The following KDM6A variants were observed in gnomAD, a reference collection of about 807,000 sequenced individuals.
KDM6A encodes the protein lysine demethylase 6A.
A neutral mutation model predicts 117.6 loss-of-function variants in KDM6A; 11 were observed. The observed-to-expected ratio is 0.09, with a 90% CI of 0.06 to 0.15. KDM6A has a LOEUF of 0.15. Ranked by LOEUF, KDM6A falls within the 10% of genes least tolerant of loss-of-function variation. The pLI is 1.00. For missense variants in KDM6A, 799 were observed against 1,077.3 expected, an observed-to-expected ratio of 0.74 and a Z score of 3.62; for synonymous variants, 384 against 396.1, an observed-to-expected ratio of 0.97 and a Z score of 0.36.
chrX:44,993,236 A>G (rs1346416583), intron 4 of KDM6A, among the ~76,000 whole-genome samples: 1 of 111,835 alleles, frequency 8.9e-6, no homozygotes, highest in African/African-American at 3.3e-5. Context: ...AGTATGGTTA[A>G]CAGGATTAAA....
rs1331795248 is a variant in KDM6A at position 44,994,302 on chromosome X, G to A, written c.385-16659G>A. On this transcript the variant is annotated intron_variant, in intron 4 of 29. Transcript: ENST00000611820. ...ACTGCTGTTCTCTTTACTCCTATGA[G>A]ATAGATATTCTTTGAGTTTGACTTT... Among the ~76,000 whole-genome samples, 5 of 111,376 alleles carry A rather than the reference G, an allele frequency of 4.5e-5. 1 individual carries two copies. In the East Asian group the frequency reaches 1.4e-3, roughly 31 times the overall value.
chrX:45,075,590 A>G (rs1412806173), intron 18 of KDM6A, among the ~76,000 whole-genome samples: 1 of 111,661 alleles, frequency 9.0e-6, no homozygotes, highest in African/African-American at 3.2e-5. Context: ...GAAAAAATTA[A>G]GAAAGTAACA....
At chrX:44,988,946 A>G (rs1417498016) in intron 4 of KDM6A, among the ~76,000 whole-genome samples, 2 of 109,905 alleles carry the variant, frequency 1.8e-5, no homozygotes, top group Admixed American at 2.0e-4. Context: ...TCAGACAGGG[A>G]CATCTAAGTC....
Position 45,089,950 on chromosome X carries a change from T to G in KDM6A, c.3892+20T>G, listed in dbSNP as rs1226958855. On this transcript the variant is annotated intron_variant, in intron 26 of 29. Transcript: ENST00000611820. ...TTACAGGTATTATAAAGAATATGCT[T>G]TAAAAAAGTTAATTTATAAAGGATT... 8.7e-7 allele frequency: 1 copy of G among 1,150,651 alleles called. No individual in the cohort carries two copies. Among genetic ancestry groups the G allele is most frequent in the African/African-American group, 1.8e-5 (1 of 55,828 alleles). The allele number at this position is 1,150,651 out of a possible 1,213,427, so 94.8% of individuals were successfully genotyped here.
chrX:45,069,101 C>G (rs190316914), intron 17 of KDM6A, among the ~76,000 whole-genome samples: 342 of 111,558 alleles, frequency 3.1e-3, no homozygotes, highest in African/African-American at 0.011. Context: ...TTGAGGATAG[C>G]TACTTTAACA....
intron 2 of KDM6A, among the ~76,000 whole-genome samples, chrX:44,909,623 C>T (rs765747999): frequency 9.0e-6 from 1 of 111,652 alleles, no homozygotes; most frequent in African/African-American, 3.3e-5. Context: ...TATTAGTCAT[C>T]TATACATTTC....
At chrX:45,080,638 T>G (rs79233631) in intron 21 of KDM6A, among the ~76,000 whole-genome samples, 1 of 112,070 alleles carries the variant, frequency 8.9e-6, no homozygotes, top group African/African-American at 3.2e-5. Context: ...CTGTAAATTG[T>G]ATATTTGTCT....
chrX:45,063,361 T>C, intron 16 of KDM6A, 61 bp from the exon 17 acceptor site: 2 of 1,061,572 alleles, frequency 1.9e-6, no homozygotes, highest in Non-Finnish European at 1.3e-6. Context: ...GAATCCCCTA[T>C]AGATTCTCTT....
At chrX:44,899,573 T>C (rs113865665) in intron 2 of KDM6A, among the ~76,000 whole-genome samples, 4,465 of 109,918 alleles carry the variant, frequency 0.041, 84 homozygotes, top group Middle Eastern at 0.074. Context: ...TGATACTGTA[T>C]TGGGGTCTTC....
At chrX:45,001,223 G>C (rs1405892216) in intron 4 of KDM6A, among the ~76,000 whole-genome samples, 1 of 111,710 alleles carries the variant, frequency 9.0e-6, no homozygotes, top group Admixed American at 9.5e-5. Context: ...CCGGCTTAAA[G>C]AAGGGAACTG....
chrX:45,104,014 A>C (rs1036252710), intron 27 of KDM6A, among the ~76,000 whole-genome samples: 4 of 109,858 alleles, frequency 3.6e-5, no homozygotes, highest in African/African-American at 1.4e-4. Context: ...TGTTTTTAGC[A>C]AATTGAATTC....
chrX:44,969,190 T>G (rs768806136), intron 3 of KDM6A, among the ~76,000 whole-genome samples: 1 of 110,484 alleles, frequency 9.1e-6, no homozygotes, highest in Non-Finnish European at 1.9e-5. Flanking sequence ...TTCCCAATTA[T>G]AAGTTCCCTG....
At chrX:44,914,246 TG>T (rs1222251964) in intron 2 of KDM6A, among the ~76,000 whole-genome samples, 3 of 112,113 alleles carry the variant, frequency 2.7e-5, no homozygotes, top group Non-Finnish European at 5.6e-5. Context: ...TCAGCTGTGC[TG>T]GGGGGGTCAG....
intron 8 of KDM6A, among the ~76,000 whole-genome samples, chrX:45,038,599 G>GC (rs2147801518): frequency 9.3e-6 from 1 of 108,074 alleles, no homozygotes; most frequent in Admixed American, 9.9e-5. Flanking sequence ...CATTTGGGGG[G>GC]GGGTGGTTGG....
intron 10 of KDM6A, 119 bp downstream of exon 10, chrX:45,054,074 C>T (rs1187350651): frequency 2.7e-6 from 2 of 743,622 alleles, no homozygotes; most frequent in South Asian, 2.6e-5. Flanking sequence ...CTTCTAAATA[C>T]ATTATTAACC....
At chrX:45,082,242 G>C (rs1297528819) in intron 21 of KDM6A, among the ~76,000 whole-genome samples, 1 of 110,215 alleles carries the variant, frequency 9.1e-6, no homozygotes, top group Admixed American at 9.7e-5. Flanking sequence ...AGACTAGCCT[G>C]GGCAACATGG....
chrX:44,944,446 C>T (rs1865707323), intron 2 of KDM6A, among the ~76,000 whole-genome samples: 1 of 111,716 alleles, frequency 9.0e-6, no homozygotes, highest in African/African-American at 3.3e-5. Context: ...TCATCTGTAG[C>T]TACAAAAAAA....
chrX:45,106,903 T>C, intron 27 of KDM6A: 1 of 196,883 alleles, frequency 5.1e-6, no homozygotes, highest in Non-Finnish European at 9.4e-6. Flanking sequence ...TTCATAAATA[T>C]TTTTTCTGCT....
chrX:44,991,948 C>T (rs1432023460), intron 4 of KDM6A, among the ~76,000 whole-genome samples: 1 of 110,872 alleles, frequency 9.0e-6, no homozygotes, highest in Admixed American at 9.7e-5. Flanking sequence ...CTCAGCCTCT[C>T]AGAGTGTTGG....
Sources: allele counts gnomAD v4.1 joint callset (sites outside exome capture counted in the v4.1 genomes callset), GRCh38; gene constraint gnomAD v4.1.1; transcripts MANE v1.5; gene names NCBI Gene and HGNC (gene_info 2026-07-23, HGNC 2026-07-21).